Variants in WDR1 observed in about 807,000 individuals in gnomAD.
The protein encoded by WDR1 is WD repeat-containing protein 1.
WDR1 carries 21 observed loss-of-function variants against 71.9 expected under a neutral mutation model. The ratio of observed to expected loss-of-function variants is 0.29; its 90% confidence interval spans 0.21 to 0.42. WDR1 has a LOEUF of 0.42. WDR1 is among the 10% of genes least tolerant of loss of function. The pLI, the probability that WDR1 is intolerant of heterozygous loss-of-function variation, is 1.00. For missense variants in WDR1, 696 were observed against 824.5 expected, an observed-to-expected ratio of 0.84 and a Z score of 1.91; for synonymous variants, 424 against 347.4, an observed-to-expected ratio of 1.22 and a Z score of -2.45.
In WDR1 at chr4:10,116,714, C is replaced by T; in HGVS notation, c.-48G>A. 2.3e-6 allele frequency: 3 copies of T among 1,321,174 alleles called. No individual in the cohort carries two copies. Among genetic ancestry groups the T allele is most frequent in the East Asian group, 3.2e-5 (1 of 31,226 alleles). 81.8% of individuals were successfully genotyped at this position (1,321,174 alleles called of 1,614,324 possible). ...CGCGCTCGCCGAGAGCCTCCGGGGC[C>T]GGCCCGCGCTGCGAATTACACCTCG... On this transcript the variant is annotated 5_prime_UTR_variant, in exon 1 of 15. Coordinates refer to ENST00000499869, the MANE Select transcript of WDR1 (RefSeq NM_017491.5).
intron 11 of WDR1, among the ~76,000 whole-genome samples, chr4:10,080,536 A>G (rs1764972574): frequency 6.6e-6 from 1 of 152,234 alleles, no homozygotes; most frequent in African/African-American, 2.4e-5. Flanking sequence ...CCCTAACGCA[A>G]TTAAGTTCAC....
chr4:10,093,225 C>T, intron 5 of WDR1: 3 of 1,141,494 alleles, frequency 2.6e-6, no homozygotes, highest in Non-Finnish European at 3.5e-6. Context: ...CCAGCCTCAG[C>T]TGACCCTGTA....
At chr4:10,094,213 T>C (rs1578432227) in intron 5 of WDR1, among the ~76,000 whole-genome samples, 1 of 152,172 alleles carries the variant, frequency 6.6e-6, no homozygotes, top group Non-Finnish European at 1.5e-5. Flanking sequence ...TAAGTAACCA[T>C]TTCATTAGAC....
At position 10,116,218 on chromosome 4, in the gene WDR1, G is replaced by A. The variant is rs369120898; in HGVS notation, c.33C>T (p.Ser11=). 4.1e-5 allele frequency: 66 copies of A among 1,613,592 alleles called. No homozygotes were observed. In the African/African-American group the frequency reaches 7.9e-4, roughly 19 times the overall value. MPYEIKKVFA[S]LPQVERGVSK... ...AGACGCCCCTCTCCACCTGCGGGAG[G>A]CTGGCGAACACCTTCTCTGCGGAGA... Residue 11 remains serine, a synonymous_variant, in exon 2 of 15, where the codon AGC becomes AGT. Transcript: ENST00000499869.
Position 10,104,081 on chromosome 4 carries a change from C to G in WDR1, c.139-95G>C, listed in dbSNP as rs1454323021. 9.5e-6 allele frequency: 12 copies of G among 1,269,560 alleles called. No homozygotes were observed. In the South Asian group the frequency reaches 1.4e-4, roughly 15 times the overall value. The allele number at this position is 1,269,560 out of a possible 1,614,324, so 78.6% of individuals were successfully genotyped here. A position where few individuals can be genotyped will look rare whatever the true frequency, so the allele number is the denominator to read the frequency against. ...ACAGATATGGGGTGAAAGGGGTGTA[C>G]AAAGAAACACTGAAGCTAAAACCGT... On this transcript the variant is annotated intron_variant, in intron 2 of 14. Coordinates refer to ENST00000499869, the MANE Select transcript of WDR1 (RefSeq NM_017491.5).
chr4:10,083,019 C>T lies in WDR1; in HGVS notation c.1196+3G>A, dbSNP rs1254965482. 2 of 1,610,074 alleles carry T rather than the reference C, an allele frequency of 1.2e-6. No individual in the cohort carries two copies. The highest frequency in any genetic ancestry group is 1.7e-6 in the Non-Finnish European group (2 of 1,177,370). On this transcript the variant is annotated splice_donor_region_variant and intron_variant, in intron 10 of 14. Coordinates refer to ENST00000499869, the MANE Select transcript of WDR1 (RefSeq NM_017491.5). Reference sequence around the variant, plus strand: ...GAACCCCCGCAGACCCGAGTGCTCTCACCTGTAGTCCCGCAGCATGAGGCT... The same window carrying T: ...GAACCCCCGCAGACCCGAGTGCTCTTACCTGTAGTCCCGCAGCATGAGGCT...
Position 10,088,748 on chromosome 4 carries a change from G to A in WDR1, c.559-7C>T, listed in dbSNP as rs768180471. 2 of 1,589,850 alleles carry A rather than the reference G, an allele frequency of 1.3e-6. No individual in the cohort carries two copies. Among genetic ancestry groups the A allele is most frequent in the Admixed American group, 3.5e-5 (2 of 56,778 alleles). Reference sequence around the variant, plus strand: ...TGACAAAGCGGCTGTGGTCCTGCAGGAAAACAATTACCTGCCTGATGAGGG... The same window carrying A: ...TGACAAAGCGGCTGTGGTCCTGCAGAAAAACAATTACCTGCCTGATGAGGG... On this transcript the variant is annotated splice_polypyrimidine_tract_variant and splice_region_variant and intron_variant, in intron 5 of 14. Coordinates refer to ENST00000499869, the MANE Select transcript of WDR1 (RefSeq NM_017491.5).
intron 3 of WDR1, among the ~76,000 whole-genome samples, chr4:10,103,008 C>T (rs1712773569): frequency 6.6e-6 from 1 of 152,170 alleles, no homozygotes; most frequent in Non-Finnish European, 1.5e-5. Flanking sequence ...ACTCCTGTAC[C>T]TCTTGTTCCC....
At position 10,074,805 on chromosome 4, in the gene WDR1, A is replaced by C. The variant is rs1268225449; in HGVS notation, c.*573T>G. ...CTTAAAATCAAGCACAAAATCTGAC[A>C]ATGAAACATATCCAGGGGTTGTGTG... On this transcript the variant is annotated 3_prime_UTR_variant, in exon 15 of 15. Transcript: ENST00000499869. 1.3e-5 allele frequency: 2 copies of C among 152,856 alleles called. No homozygotes were observed. The highest frequency in any genetic ancestry group is 2.9e-5 in the Non-Finnish European group (2 of 68,434). 9.5% of individuals were successfully genotyped at this position (152,856 alleles called of 1,614,324 possible).
chr4:10,114,631 TA>T (rs1330685189), intron 2 of WDR1, among the ~76,000 whole-genome samples: 7 of 152,266 alleles, frequency 4.6e-5, no homozygotes, highest in African/African-American at 1.7e-4. Context: ...GCCAAACTAC[TA>T]AATATCTCTT....
chr4:10,082,568 T>A (rs1213083100), intron 10 of WDR1, among the ~76,000 whole-genome samples: 1 of 151,898 alleles, frequency 6.6e-6, no homozygotes, highest in Non-Finnish European at 1.5e-5. Flanking sequence ...AAACAAGACA[T>A]TGTCTTTTAA....
chr4:10,078,791 G>T, intron 12 of WDR1, 100 bp downstream of exon 12: 2 of 1,008,952 alleles, frequency 2.0e-6, no homozygotes, highest in Non-Finnish European at 2.9e-6. Flanking sequence ...CTGACCCCTC[G>T]CCTTCCCTGA....
chr4:10,079,855 C>T (rs538208754), intron 11 of WDR1, among the ~76,000 whole-genome samples: 1 of 152,308 alleles, frequency 6.6e-6, no homozygotes, highest in African/African-American at 2.4e-5. Flanking sequence ...CTGGAGGTGG[C>T]CTTACCTACT....
In WDR1 at chr4:10,077,301, C is replaced by T. The variant is rs1435494296; in HGVS notation, c.1714+3G>A. On this transcript the variant is annotated splice_donor_region_variant and intron_variant, in intron 14 of 14. Transcript: ENST00000499869. The stretch of plus-strand genomic sequence containing the variant: ...CCTGCCAAGGCCTGGGGGCGGAAGT[C>T]ACCTTGGATCTTGACTCTGGTTTCC... The T allele has an allele frequency of 6.2e-7, 1 of 1,613,742 alleles. No homozygotes were observed. The highest frequency in any genetic ancestry group is 8.5e-7 in the Non-Finnish European group (1 of 1,179,852).
At chr4:10,104,023 G>A (rs752855063) in intron 2 of WDR1, 37 bp from the exon 3 acceptor site, 6 of 1,561,744 alleles carry the variant, frequency 3.8e-6, no homozygotes, top group Non-Finnish European at 5.2e-6. Flanking sequence ...AGAAGGAATG[G>A]AGAAGCAGTC....
At chr4:10,080,394 T>A (rs1454765962) in intron 11 of WDR1, among the ~76,000 whole-genome samples, 2 of 152,098 alleles carry the variant, frequency 1.3e-5, no homozygotes, top group Admixed American at 6.5e-5. Flanking sequence ...TTGTAGCGTT[T>A]CCCCCAGGCC....
At chr4:10,111,144 C>T (rs1408974121) in intron 2 of WDR1, among the ~76,000 whole-genome samples, 2 of 152,234 alleles carry the variant, frequency 1.3e-5, no homozygotes, top group African/African-American at 2.4e-5. Flanking sequence ...GATTACTTGT[C>T]TGTGAGACCT....
intron 4 of WDR1, 114 bp downstream of exon 4, chr4:10,098,878 C>A (rs1042738964): frequency 5.4e-6 from 8 of 1,485,278 alleles, no homozygotes; most frequent in African/African-American, 1.4e-5. Context: ...GGGAGCTCAA[C>A]CCTCACGAGT....
intron 2 of WDR1, among the ~76,000 whole-genome samples, chr4:10,109,847 T>A (rs1313029782): frequency 1.3e-5 from 2 of 152,208 alleles, no homozygotes; most frequent in Non-Finnish European, 2.9e-5. Flanking sequence ...GATGAGGGTA[T>A]CCACCCAACA....
Sources: allele counts gnomAD v4.1 joint callset (sites outside exome capture counted in the v4.1 genomes callset), GRCh38; gene constraint gnomAD v4.1.1; transcripts MANE v1.5; gene names NCBI Gene and HGNC (gene_info 2026-07-23, HGNC 2026-07-21).